Variants in ARHGAP44 observed in about 807,000 individuals in gnomAD.
ARHGAP44 encodes the protein Rho GTPase activating protein 44, also known as rho GTPase-activating protein 44.
ARHGAP44 carries 43 observed loss-of-function variants against 106.8 expected under a neutral mutation model. The observed-to-expected ratio is 0.40, with a 90% confidence interval of 0.32 to 0.52. ARHGAP44 has a LOEUF of 0.52. Ranked by LOEUF, ARHGAP44 falls within the 20% of genes least tolerant of loss-of-function variation. The pLI is 0.48. For missense variants in ARHGAP44, 866 were observed against 1,050.5 expected, an observed-to-expected ratio of 0.82 and a Z score of 2.43; for synonymous variants, 439 against 410.3, an observed-to-expected ratio of 1.07 and a Z score of -0.85.
rs191465001 is a variant in ARHGAP44, at chr17:12,970,195, A to G, written c.1524-3107A>G. On this transcript the variant is annotated intron_variant, in intron 16 of 20. Transcript: ENST00000379672. ...CAGCCTGGGTAACATGGTGAAACTC[A>G]TCTCTAAAAAAATTATGAAAATTAG... 1.7e-3 allele frequency among the ~76,000 whole-genome samples: 252 copies of G among 149,178 alleles called. 1 individual carries two copies. Among genetic ancestry groups the G allele is most frequent in the Non-Finnish European group, 2.6e-3 (172 of 66,816 alleles).
intron 1 of ARHGAP44, among the ~76,000 whole-genome samples, chr17:12,880,471 T>A (rs1315650079): frequency 6.6e-6 from 1 of 152,198 alleles, no homozygotes; most frequent in Admixed American, 6.5e-5. Context: ...TTTTGAGCTT[T>A]ATGAAAATGG....
chr17:12,981,467 G>A (rs1224980642), intron 19 of ARHGAP44, among the ~76,000 whole-genome samples: 5 of 151,264 alleles, frequency 3.3e-5, no homozygotes, highest in African/African-American at 9.7e-5. Context: ...GCACAATCTC[G>A]GCTCACTGCA....
At position 12,935,569 on chromosome 17, in the gene ARHGAP44, CAAA is replaced by C. The variant is rs11364751; in HGVS notation, c.583-5471_583-5469del. 3.8e-3 allele frequency among the ~76,000 whole-genome samples: 478 copies of C among 125,832 alleles called. 1 individual carries two copies. The highest frequency in any genetic ancestry group is 5.6e-3 in the Non-Finnish European group (336 of 59,738). The allele number at this position is 125,832 out of a possible 152,430, so 82.6% of individuals were successfully genotyped here. On this transcript the variant is annotated intron_variant, in intron 7 of 20. Coordinates refer to ENST00000379672, the MANE Select transcript of ARHGAP44 (RefSeq NM_014859.6). ...GGGGCAACAGAGTGAGACTCCATCT[CAAA>C]AAAAAAAAAAAAAAATCAAGGGAAT...
intron 1 of ARHGAP44, among the ~76,000 whole-genome samples, chr17:12,891,593 G>C (rs565105199): frequency 6.6e-6 from 1 of 152,250 alleles, no homozygotes; most frequent in Admixed American, 6.5e-5. Flanking sequence ...TCACCTTTCA[G>C]CACTGCTGCA....
intron 19 of ARHGAP44, among the ~76,000 whole-genome samples, chr17:12,981,716 G>C (rs2039835883): frequency 6.6e-6 from 1 of 150,444 alleles, no homozygotes; most frequent in Non-Finnish European, 1.5e-5. Flanking sequence ...CTTTGTTTTA[G>C]AGTCCTTTAA....
At position 12,990,067 on chromosome 17, in the gene ARHGAP44, G is replaced by C. The variant is rs372735116; in HGVS notation, c.2353G>C (p.Glu785Gln). ...VHFDIPSIHIELGSTLRLSPL... is the reference protein window; with the variant it reads ...VHFDIPSIHIQLGSTLRLSPL... ...CTTTGATATTCCCTCGATCCACATA[G>C]AGCTCGGGTCGACGCTCCGCCTGAG... Residue 785 changes from glutamate (E) to glutamine (Q), a missense_variant, in exon 21 of 21, where the codon GAG becomes CAG. Physicochemically the swap from Glu to Gln is conservative, Grantham distance 29. Coordinates refer to ENST00000379672, the MANE Select transcript of ARHGAP44 (RefSeq NM_014859.6). The C allele has an allele frequency of 3.1e-6, 5 of 1,612,392 alleles. No individual in the cohort carries two copies. The highest frequency in any genetic ancestry group is 4.2e-6 in the Non-Finnish European group (5 of 1,178,792).
At chr17:12,795,538 T>A (rs2033892745) in intron 1 of ARHGAP44, among the ~76,000 whole-genome samples, 1 of 151,972 alleles carries the variant, frequency 6.6e-6, no homozygotes, top group African/African-American at 2.4e-5. Flanking sequence ...TTTTTTTTTT[T>A]AATGATGGGC....
chr17:12,797,128 C>T (rs536441534), intron 1 of ARHGAP44, among the ~76,000 whole-genome samples: 22 of 151,910 alleles, frequency 1.4e-4, no homozygotes, highest in East Asian at 1.9e-4. Context: ...TTCTTTTGGC[C>T]GTGTATAAAT....
At chr17:12,942,409 G>C (rs1024308409) in intron 8 of ARHGAP44, among the ~76,000 whole-genome samples, 2 of 152,222 alleles carry the variant, frequency 1.3e-5, no homozygotes, top group African/African-American at 4.8e-5. Context: ...GCCTCCCAAA[G>C]TGCTGGGATT....
chr17:12,809,812 T>G (rs1467428785), intron 1 of ARHGAP44, among the ~76,000 whole-genome samples: 1 of 152,096 alleles, frequency 6.6e-6, no homozygotes, highest in Admixed American at 6.5e-5. Context: ...GTTTCAGAGA[T>G]AAAGGCCATG....
intron 5 of ARHGAP44, among the ~76,000 whole-genome samples, chr17:12,919,457 C>T (rs1379591684): frequency 1.4e-5 from 2 of 146,470 alleles, no homozygotes; most frequent in Admixed American, 1.4e-4. Flanking sequence ...GTGATCTCGG[C>T]TCACTGCAAC....
chr17:12,893,450 C>A (rs1191750784), intron 1 of ARHGAP44, among the ~76,000 whole-genome samples: 1 of 152,180 alleles, frequency 6.6e-6, no homozygotes, highest in African/African-American at 2.4e-5. Context: ...TCGTTATCAC[C>A]ACATGGGCGT....
chr17:12,932,375 A>G (rs750814016), intron 7 of ARHGAP44, among the ~76,000 whole-genome samples: 3 of 152,246 alleles, frequency 2.0e-5, no homozygotes, highest in Middle Eastern at 3.4e-3. Context: ...CAGTATTTCT[A>G]TTGCTTTTCT....
chr17:12,850,396 G>A (rs555922554), intron 1 of ARHGAP44, among the ~76,000 whole-genome samples: 1 of 152,046 alleles, frequency 6.6e-6, no homozygotes, highest in African/African-American at 2.4e-5. Context: ...TTAAGAAATT[G>A]CGATTGCCTT....
chr17:12,847,234 T>C (rs975369956), intron 1 of ARHGAP44, among the ~76,000 whole-genome samples: 1 of 152,190 alleles, frequency 6.6e-6, no homozygotes, highest in South Asian at 2.1e-4. Flanking sequence ...GAACTATGTC[T>C]CTACAAAGTG....
chr17:12,888,249 T>A (rs1242520373), intron 1 of ARHGAP44, among the ~76,000 whole-genome samples: 3 of 151,858 alleles, frequency 2.0e-5, no homozygotes, highest in Non-Finnish European at 4.4e-5. Context: ...AATGCTATAA[T>A]TTTTTTCCCA....
Position 12,929,217 on chromosome 17 carries a change from G to A in ARHGAP44, c.582+171G>A, listed in dbSNP as rs902250481. The A allele has an allele frequency of 1.5e-5, 8 of 549,266 alleles. No individual in the cohort carries two copies. The Admixed American group carries it at 2.5e-4, about 17-fold the overall frequency. The allele number at this position is 549,266 out of a possible 1,614,324, so 34.0% of individuals were successfully genotyped here. A position where few individuals can be genotyped will look rare whatever the true frequency, so the allele number is the denominator to read the frequency against. On this transcript the variant is annotated intron_variant, in intron 7 of 20. Transcript: ENST00000379672. The stretch of plus-strand genomic sequence containing the variant: ...AAGGAGTCCAGGATGAACCCAAGGA[G>A]TTGGGGCTTTGATGGTGACCTAGAC...
At chr17:12,815,051 C>T (rs1018647190) in intron 1 of ARHGAP44, among the ~76,000 whole-genome samples, 1 of 152,134 alleles carries the variant, frequency 6.6e-6, no homozygotes, top group African/African-American at 2.4e-5. Flanking sequence ...ACCTCCCCCA[C>T]CACCTGCTTT....
intron 1 of ARHGAP44, among the ~76,000 whole-genome samples, chr17:12,854,059 A>C (rs1032599083): frequency 6.6e-6 from 1 of 152,162 alleles, no homozygotes; most frequent in African/African-American, 2.4e-5. Context: ...GCTTGGCAGA[A>C]CAAAAGGCAG....
Sources: gnomAD v4.1 joint callset for allele counts (sites outside exome capture counted in the v4.1 genomes callset) on GRCh38, gnomAD v4.1.1 for gene constraint, MANE v1.5 for transcripts, NCBI Gene and HGNC (gene_info 2026-07-23, HGNC 2026-07-21) for gene names.